The following ASPM variants were observed in gnomAD, a reference collection of about 807,000 sequenced individuals.
ASPM encodes the protein assembly factor for spindle microtubules.
Under a neutral mutation model 366.4 loss-of-function variants are expected in ASPM, and 256 were observed. The ratio of observed to expected loss-of-function variants is 0.70; its 90% CI spans 0.63 to 0.77. The LOEUF (loss-of-function observed/expected upper bound fraction) is 0.77, where lower values mean the gene tolerates loss of function less well. ASPM is among the 30% of genes least tolerant of loss of function. The pLI is 0.00. For synonymous variants in ASPM, 1,414 were observed against 1,342.9 expected, an observed-to-expected ratio of 1.05 and a Z score of -1.16; for missense variants, 4,146 against 4,090.4, an observed-to-expected ratio of 1.01 and a Z score of -0.37.
intron 6 of ASPM, 97 bp from the exon 7 acceptor site, chr1:197,132,449 C>T (rs1658287096): frequency 1.1e-6 from 1 of 933,880 alleles, no homozygotes; most frequent in Non-Finnish European, 1.7e-6. Context: ...GAAAAAAATA[C>T]TTGCTTATAT....
In ASPM at chr1:197,101,604, A is replaced by C. The variant is rs1341511357; in HGVS notation, c.7647T>G (p.Leu2549=). The stretch of plus-strand genomic sequence containing the variant: ...TAGAAGCTTTGTGTTTTTCCCTTAA[A>C]AGTTGTCTTGCTTTCATTCCTTTAT... ...AAYKGMKARQ[L]LREKHKASIV... Residue 2549 remains leucine, a synonymous_variant, in exon 18 of 28, where the codon CTT becomes CTG. Transcript: ENST00000367409. The C allele has an allele frequency of 1.2e-6, 2 of 1,610,534 alleles. No individual in the cohort carries two copies. Among genetic ancestry groups the C allele is most frequent in the African/African-American group, 2.7e-5 (2 of 74,734 alleles).
intron 3 of ASPM, among the ~76,000 whole-genome samples, chr1:197,140,793 G>C (rs889838986): frequency 6.6e-6 from 1 of 152,140 alleles, no homozygotes; most frequent in African/African-American, 2.4e-5. Flanking sequence ...ACCCAAGGTG[G>C]ATATGGTGAG....
At position 197,127,614 on chromosome 1, in the gene ASPM, C is replaced by T. The variant is rs552523948; in HGVS notation, c.2936+876G>A. ...TGAAGAGGCCAATCATGGCAAAATG[C>T]TAAAGGCCATTCCTTCTAAGCAAAA... is the stretch of plus-strand genomic sequence containing the variant. On this transcript the variant is annotated intron_variant, in intron 10 of 27. Coordinates refer to ENST00000367409, the MANE Select transcript of ASPM (RefSeq NM_018136.5). Among the ~76,000 whole-genome samples, 269 of 152,286 alleles carry T rather than the reference C, an allele frequency of 1.8e-3. 1 individual carries two copies. The highest frequency in any genetic ancestry group is 6.2e-3 in the African/African-American group (259 of 41,556).
rs750059680 is a variant in ASPM at position 197,100,514 on chromosome 1, C to T, written c.8737G>A (p.Val2913Ile). 6.2e-7 allele frequency: 1 copy of T among 1,610,860 alleles called. No individual in the cohort carries two copies. Among genetic ancestry groups the T allele is most frequent in the East Asian group, 2.2e-5 (1 of 44,736 alleles). Residue 2913 changes from valine to isoleucine, a missense_variant, in exon 18 of 28, where the codon GTT (valine) becomes ATT (isoleucine). By Grantham distance (29) the Val-to-Ile change is conservative. This residue lies in a region of ASPM where 3,624 missense variants were observed against 3,591.7 expected (regional missense o/e 1.01). Transcript: ENST00000367409. ...RQVYLQIRSS[V>I]IIIQARSKGF... The stretch of plus-strand genomic sequence containing the variant: ...TTACTTCTAGCTTGAATAATGATAA[C>T]ACTGCTTCTGATCTGTAAATAGACT...
In ASPM at chr1:197,090,018, A is replaced by G. The variant is rs1656723666; in HGVS notation, c.9896T>C (p.Ile3299Thr). 3.7e-6 allele frequency: 6 copies of G among 1,613,326 alleles called. No individual in the cohort carries two copies. Among genetic ancestry groups the G allele is most frequent in the Non-Finnish European group, 5.1e-6 (6 of 1,179,636 alleles). The stretch of plus-strand genomic sequence containing the variant: ...ATTACAACTTCGGATCAAAACAAAT[A>G]TTTTAGAAATTGCTCCACTCTGGGC... ...NMAQSGAISK[I>T]FVLIRSCNRS... is the part of the protein sequence containing the mutation. Residue 3299 changes from isoleucine (I) to threonine (T), a missense_variant, in exon 25 of 28, where the codon ATA (isoleucine) becomes ACA (threonine). Transcript: ENST00000367409.
chr1:197,143,664 T>G lies in ASPM; in HGVS notation c.588A>C (p.Glu196Asp). 1 of 1,613,732 alleles carries G rather than the reference T, an allele frequency of 6.2e-7. No individual in the cohort carries two copies. Among genetic ancestry groups the G allele is most frequent in the African/African-American group, 1.3e-5 (1 of 75,040 alleles). Residue 196 changes from glutamate (E) to aspartate (D), a missense_variant, in exon 3 of 28, where the codon GAA (glutamate) becomes GAC (aspartate). Physicochemically the swap from Glu to Asp is conservative, Grantham distance 45. Transcript: ENST00000367409. ...DRVRSPLQAC[E>D]NLAMNEGGPP... Reference sequence around the variant, plus strand: ...GACCGCCTTCATTCATAGCCAAGTTTTCACAAGCTTGTAGTGGGCTCCTAA... The same window carrying G: ...GACCGCCTTCATTCATAGCCAAGTTGTCACAAGCTTGTAGTGGGCTCCTAA...
At chr1:197,136,112 C>A (rs1658412389) in intron 4 of ASPM, among the ~76,000 whole-genome samples, 1 of 152,062 alleles carries the variant, frequency 6.6e-6, no homozygotes, top group Admixed American at 6.6e-5. Flanking sequence ...ATGAAGAAAC[C>A]TGTCAATTGA....
chr1:197,084,195 A>G lies in ASPM; in HGVS notation c.*129T>C, dbSNP rs1571583817. On this transcript the variant is annotated 3_prime_UTR_variant, in exon 28 of 28. Transcript: ENST00000367409. ...ATGATAAAAATGAAGAATGTAATGA[A>G]CAGTTTATGTTTTTTTAAAACAAAG... is the stretch of plus-strand genomic sequence containing the variant. 1 of 676,284 alleles carries G rather than the reference A, an allele frequency of 1.5e-6. No homozygotes were observed. The highest frequency in any genetic ancestry group is 2.7e-5 in the East Asian group (1 of 36,858). 41.9% of individuals were successfully genotyped at this position (676,284 alleles called of 1,614,324 possible). A position where few individuals can be genotyped will look rare whatever the true frequency, so the allele number is the denominator to read the frequency against.
At chr1:197,089,817 A>T in intron 25 of ASPM, 113 bp downstream of exon 25, 5 of 1,032,642 alleles carry the variant, frequency 4.8e-6, no homozygotes, top group East Asian at 2.4e-5. Flanking sequence ...ACTCTTGCAC[A>T]TAAATGAATT....
chr1:197,134,532 G>A (rs1431594213), intron 5 of ASPM, among the ~76,000 whole-genome samples: 1 of 152,218 alleles, frequency 6.6e-6, no homozygotes, highest in Non-Finnish European at 1.5e-5. Context: ...ATGATGATTT[G>A]ACAATTTAAA....
intron 13 of ASPM, among the ~76,000 whole-genome samples, chr1:197,123,585 C>T (rs1024436052): frequency 6.6e-6 from 1 of 152,094 alleles, no homozygotes; most frequent in African/African-American, 2.4e-5. Flanking sequence ...CCATATTTAG[C>T]TATACATACT....
Position 197,133,340 on chromosome 1 carries a change from G to C in ASPM, c.2419+10C>G. The C allele has an allele frequency of 1.2e-6, 2 of 1,601,972 alleles. No homozygotes were observed. The highest frequency in any genetic ancestry group is 1.7e-6 in the Non-Finnish European group (2 of 1,174,654). ...AAGAATTAATGTCAAGATTTCTGCA[G>C]TCTTCTTACCCACATCTTTCCATAG... On this transcript the variant is annotated intron_variant, in intron 6 of 27. Coordinates refer to ENST00000367409, the MANE Select transcript of ASPM (RefSeq NM_018136.5).
chr1:197,133,304 GA>G (rs757099216), intron 6 of ASPM, 45 bp downstream of exon 6: 1 of 1,569,202 alleles, frequency 6.4e-7, no homozygotes, highest in South Asian at 1.2e-5. Flanking sequence ...AAAATCTCTT[GA>G]ATGTTTTTAA....
rs1255706246 is a variant in ASPM, at chr1:197,122,580, C to A, written c.3406G>T (p.Val1136Leu). The change falls in exon 14 of 28, where the codon GTG becomes TTG. Residue 1136 changes from valine (V) to leucine (L), a missense_variant. Transcript: ENST00000367409. ...FYNKKVENFT[V>L]SFSDGRVLCY... The stretch of plus-strand genomic sequence containing the variant: ...AACACACGGCCGTCTGAGAAAGACA[C>A]TGTAAAATTCTCCACCTGATTGAAA... 2 of 1,606,642 alleles carry A rather than the reference C, an allele frequency of 1.2e-6. No individual in the cohort carries two copies. The highest frequency in any genetic ancestry group is 1.7e-6 in the Non-Finnish European group (2 of 1,176,010).
chr1:197,092,001 T>C lies in ASPM; in HGVS notation c.9350A>G (p.Tyr3117Cys). ...RLLHFTAAAY[Y>C]HLNAVRIQRA... ...TTGAATTCTAACAGCATTCAGGTGATAATATGCAGCTGCAGTGAAGTGAAG... is the reference window on the plus strand; with the variant it reads ...TTGAATTCTAACAGCATTCAGGTGACAATATGCAGCTGCAGTGAAGTGAAG... Residue 3117 changes from tyrosine (Y) to cysteine (C), a missense_variant, in exon 22 of 28, where the codon TAT becomes TGT. Transcript: ENST00000367409. The C allele has an allele frequency of 6.2e-7, 1 of 1,612,158 alleles. No individual in the cohort carries two copies. Among genetic ancestry groups the C allele is most frequent in the Non-Finnish European group, 8.5e-7 (1 of 1,178,858 alleles).
chr1:197,127,992 CG>C lies in ASPM; in HGVS notation c.2936+497del, dbSNP rs371879463. Among the ~76,000 whole-genome samples the C allele has an allele frequency of 6.8e-4, 103 of 151,888 alleles. 1 individual carries two copies. The East Asian group carries it at 0.02, about 29-fold the overall frequency. On this transcript the variant is annotated intron_variant, in intron 10 of 27. Coordinates refer to ENST00000367409, the MANE Select transcript of ASPM (RefSeq NM_018136.5). ...CATCCTGGCTAACACGGTGAAACCC[CG>C]TCTCTACTAAAAATACAAAAAATTA...
In ASPM at chr1:197,105,003, T is replaced by G; in HGVS notation, c.4248A>C (p.Arg1416Ser). The G allele has an allele frequency of 6.2e-7, 1 of 1,611,140 alleles. No individual in the cohort carries two copies. The highest frequency in any genetic ancestry group is 2.2e-5 in the East Asian group (1 of 44,746). ...AYLRRKQDQQ[R>S]YEMLKSSTLI... ...GAGTTGATGATTTTAGCATTTCATA[T>G]CTTTGTTGATCTTGTTTTCTTCTTA... The change falls in exon 18 of 28, where the codon AGA becomes AGC. Residue 1416 changes from arginine to serine, a missense_variant. By Grantham distance (110) the Arg-to-Ser change is moderately radical (BLOSUM62 -1). This residue lies in a region of ASPM where 3,624 missense variants were observed against 3,591.7 expected (regional missense o/e 1.01). Transcript: ENST00000367409.
At chr1:197,131,458 T>C (rs1157334860) in intron 7 of ASPM, among the ~76,000 whole-genome samples, 1 of 152,194 alleles carries the variant, frequency 6.6e-6, no homozygotes, top group African/African-American at 2.4e-5. Flanking sequence ...CCAAGAACTA[T>C]GTAAAGAATG....
chr1:197,139,324 C>T (rs1028061439), intron 4 of ASPM: 10 of 711,382 alleles, frequency 1.4e-5, no homozygotes, highest in South Asian at 3.1e-5. Context: ...TGGCCGGGCG[C>T]GGTGGCTCAC....
Sources: gnomAD v4.1 joint callset for allele counts (sites outside exome capture counted in the v4.1 genomes callset) on GRCh38, gnomAD v4.1.1 for gene constraint, gnomAD v4.1.1 regional missense constraint, MANE v1.5 for transcripts, NCBI Gene and HGNC (gene_info 2026-07-23, HGNC 2026-07-21) for gene names.